Variants in ST6GALNAC2 observed in about 807,000 individuals in gnomAD.
ST6GALNAC2 encodes alpha-N-acetylgalactosaminide alpha-2,6-sialyltransferase 2.
ST6GALNAC2 carries 42 observed loss-of-function variants against 38.7 expected under a neutral mutation model. The ratio of observed to expected loss-of-function variants is 1.09; its 90% CI spans 0.85 to 1.40. ST6GALNAC2 has a LOEUF of 1.40. ST6GALNAC2 is among the 40% of genes most tolerant of loss of function. The pLI, the probability that ST6GALNAC2 is intolerant of heterozygous loss-of-function variation, is 0.00. For missense variants in ST6GALNAC2, 506 were observed against 481.7 expected (o/e 1.05, Z -0.47); for synonymous variants, 233 against 209.0 (o/e 1.11, Z -0.99).
intron 1 of ST6GALNAC2, among the ~76,000 whole-genome samples, chr17:76,582,659 C>T (rs1315949137): frequency 6.6e-6 from 1 of 152,208 alleles, no homozygotes; most frequent in East Asian, 1.9e-4. Flanking sequence ...AGACTGGGCT[C>T]CACTCTAATC....
chr17:76,584,054 G>C (rs942600362), intron 1 of ST6GALNAC2, among the ~76,000 whole-genome samples: 4 of 149,930 alleles, frequency 2.7e-5, no homozygotes, highest in Admixed American at 1.3e-4. Flanking sequence ...TCCTGACCTC[G>C]TGATCCGCCT....
In ST6GALNAC2 at chr17:76,575,650, G is replaced by A. The variant is rs150382247; in HGVS notation, c.187-1111C>T. ...AATTTCTGTGGATCGAAGCCCCCCA[G>A]GCTGTGATCATTTGTTCCAGCAGCC... On this transcript the variant is annotated intron_variant, in intron 2 of 8. Transcript: ENST00000225276. Among the ~76,000 whole-genome samples the A allele has an allele frequency of 1.1e-3, 171 of 152,278 alleles. 1 individual carries two copies. The highest frequency in any genetic ancestry group is 3.8e-3 in the African/African-American group (157 of 41,554).
rs763902940 is a variant in ST6GALNAC2 at position 76,570,632 on chromosome 17, C to T, written c.706G>A (p.Asp236Asn). Residue 236 changes from aspartate to asparagine, a missense_variant, in exon 6 of 9, where the codon GAC (aspartate) becomes AAC (asparagine). Transcript: ENST00000225276. ...QYIFIPSDIR[D>N]YVMLRSAILG... The stretch of plus-strand genomic sequence containing the variant: ...ATGGCCGATCTCAGCATCACATAGT[C>T]GCGGATGTCTGAGGGGATGAAGATA... 9.3e-6 allele frequency: 15 copies of T among 1,613,076 alleles called. No homozygotes were observed. Among genetic ancestry groups the T allele is most frequent in the Admixed American group, 1.7e-5 (1 of 59,930 alleles).
chr17:76,572,535 C>T, intron 5 of ST6GALNAC2, 102 bp downstream of exon 5: 1 of 1,385,174 alleles, frequency 7.2e-7, no homozygotes, highest in Non-Finnish European at 1.0e-6. Flanking sequence ...CCCTCAGCAT[C>T]CACTGGACCA....
chr17:76,575,010 G>A (rs1038528146), intron 2 of ST6GALNAC2, among the ~76,000 whole-genome samples: 3 of 152,016 alleles, frequency 2.0e-5, no homozygotes, highest in African/African-American at 7.2e-5. Flanking sequence ...TGGCAGCTAG[G>A]GGGTCTGGGA....
intron 8 of ST6GALNAC2, among the ~76,000 whole-genome samples, chr17:76,566,765 G>A (rs1469505950): frequency 6.6e-6 from 1 of 151,888 alleles, no homozygotes; most frequent in African/African-American, 2.4e-5. Context: ...CAGCTACTTG[G>A]GAAGCTGAGG....
chr17:76,567,184 G>T (rs1301260729), intron 8 of ST6GALNAC2, among the ~76,000 whole-genome samples: 1 of 152,188 alleles, frequency 6.6e-6, no homozygotes, highest in African/African-American at 2.4e-5. Flanking sequence ...AAGAGTGAAA[G>T]AAGGAAGCCT....
intron 7 of ST6GALNAC2, chr17:76,568,465 A>G: frequency 1.8e-6 from 1 of 565,058 alleles, no homozygotes; most frequent in Non-Finnish European, 3.2e-6. Context: ...CCTTTGTATA[A>G]ACCTCCTTGA....
intron 1 of ST6GALNAC2, among the ~76,000 whole-genome samples, chr17:76,580,431 C>T (rs1473295233): frequency 6.7e-6 from 1 of 149,214 alleles, no homozygotes; most frequent in Non-Finnish European, 1.5e-5. Flanking sequence ...TGCGGTGGCT[C>T]ACGTCTGTAA....
chr17:76,572,594 G>A lies in ST6GALNAC2; in HGVS notation c.669+43C>T, dbSNP rs761840752. The A allele has an allele frequency of 5.6e-6, 9 of 1,611,026 alleles. No homozygotes were observed. The South Asian group carries it at 9.9e-5, about 18-fold the overall frequency. On this transcript the variant is annotated intron_variant, in intron 5 of 8. Transcript: ENST00000225276. ...CACTGAGGGGACTCCAGGAACAATG[G>A]TGCCATTGTCAACCACAATGGCATG...
intron 6 of ST6GALNAC2, chr17:76,569,360 A>T (rs1414211471): frequency 1.2e-5 from 4 of 342,618 alleles, no homozygotes; most frequent in Non-Finnish European, 2.0e-5. Context: ...CGAGAGAGGG[A>T]TTTGAAACCA....
rs553383927 is a variant in ST6GALNAC2, at chr17:76,582,374, G to A, written c.125+3310C>T. On this transcript the variant is annotated intron_variant, in intron 1 of 8. Transcript: ENST00000225276. The stretch of plus-strand genomic sequence containing the variant: ...TTTTGGTATTTTTAGTAGAAACGGG[G>A]TTTTGCCATGTTTCAAACTCCTGGG... 4.3e-3 allele frequency among the ~76,000 whole-genome samples: 592 copies of A among 136,294 alleles called. 4 individuals are homozygous for A. Among genetic ancestry groups the A allele is most frequent in the Non-Finnish European group, 6.6e-3 (421 of 63,952 alleles). The allele number at this position is 136,294 out of a possible 152,430, so 89.4% of individuals were successfully genotyped here.
In ST6GALNAC2 at chr17:76,578,818, T is replaced by A. The variant is rs1555629487; in HGVS notation, c.126-2A>T. 1 of 1,613,140 alleles carries A rather than the reference T, an allele frequency of 6.2e-7. No homozygotes were observed. Among genetic ancestry groups the A allele is most frequent in the Non-Finnish European group, 8.5e-7 (1 of 1,179,602 alleles). Reference sequence around the variant, plus strand: ...AATGCTTCAAATGATGTGGTGTCCCTGGGGGAAAAAGCAGAAAAAAGCAGG... The same window carrying A: ...AATGCTTCAAATGATGTGGTGTCCCAGGGGGAAAAAGCAGAAAAAAGCAGG... On this transcript the variant is annotated splice_acceptor_variant, in intron 1 of 8. Transcript: ENST00000225276. LOFTEE classifies it high-confidence loss of function.
Position 76,574,496 on chromosome 17 carries a change from T to C in ST6GALNAC2, c.230A>G (p.His77Arg). ...RHLLHLAIQR[H>R]PHFRGLFNLS... ...ATTGAACAGGCCACGGAAGTGGGGGTGCCGCTGAATGGCCAGGTGAAGCAG... is the reference window on the plus strand; with the variant it reads ...ATTGAACAGGCCACGGAAGTGGGGGCGCCGCTGAATGGCCAGGTGAAGCAG... Residue 77 changes from histidine (H) to arginine (R), a missense_variant, in exon 3 of 9, where the codon CAC (histidine) becomes CGC (arginine). By Grantham distance (29) the His-to-Arg change is conservative. Coordinates refer to ENST00000225276, the MANE Select transcript of ST6GALNAC2 (RefSeq NM_006456.3). 1.3e-6 allele frequency: 2 copies of C among 1,525,062 alleles called. No homozygotes were observed. The highest frequency in any genetic ancestry group is 1.4e-5 in the African/African-American group (1 of 71,084). The allele number at this position is 1,525,062 out of a possible 1,614,324, so 94.5% of individuals were successfully genotyped here.
At position 76,584,264 on chromosome 17, in the gene ST6GALNAC2, C is replaced by T. The variant is rs560646522; in HGVS notation, c.125+1420G>A. ...CTGGAGTGCAGTGGCGCGATCACAG[C>T]TCACTGCAGCCTCGACCTCCCAGAC... is the stretch of plus-strand genomic sequence containing the variant. On this transcript the variant is annotated intron_variant, in intron 1 of 8. Transcript: ENST00000225276. Among the ~76,000 whole-genome samples, 136 of 150,214 alleles carry T rather than the reference C, an allele frequency of 9.1e-4. 1 individual carries two copies. The highest frequency in any genetic ancestry group is 3.2e-3 in the African/African-American group (129 of 40,656).
intron 1 of ST6GALNAC2, among the ~76,000 whole-genome samples, chr17:76,580,017 ACTT>A (rs1215527494): frequency 4.6e-5 from 7 of 152,334 alleles, no homozygotes; most frequent in South Asian, 2.1e-4. Flanking sequence ...CAGTTGCTGA[ACTT>A]CTCAGAACCT....
chr17:76,568,472 TTGAGTTATCC>T (rs1026882490), intron 7 of ST6GALNAC2: 5 of 577,376 alleles, frequency 8.7e-6, no homozygotes, highest in African/African-American at 5.6e-5. Flanking sequence ...ATAAACCTCC[TTGAGTTATCC>T]TGAGTTTCCT....
At position 76,582,164 on chromosome 17, in the gene ST6GALNAC2, CT is replaced by C. The variant is rs71158025; in HGVS notation, c.126-3349del. ...ACAAGCGTGAGCCACCGTGCCCAGC[CT>C]TTTTTTTTTTTTTTTTTTTTTTTTG... On this transcript the variant is annotated intron_variant, in intron 1 of 8. Coordinates refer to ENST00000225276, the MANE Select transcript of ST6GALNAC2 (RefSeq NM_006456.3). 9.0e-4 allele frequency among the ~76,000 whole-genome samples: 56 copies of C among 62,042 alleles called. 1 individual carries two copies. The highest frequency in any genetic ancestry group is 0.015 in the Middle Eastern group (1 of 66). 40.7% of individuals were successfully genotyped at this position (62,042 alleles called of 152,430 possible).
At position 76,574,443 on chromosome 17, in the gene ST6GALNAC2, C is replaced by G. The variant is rs1228356533; in HGVS notation, c.283G>C (p.Asp95His). The change falls in exon 3 of 9, where the codon GAC becomes CAC. Residue 95 changes from aspartate to histidine, a missense_variant. Asp to His is a moderately conservative substitution (Grantham distance 81). Coordinates refer to ENST00000225276, the MANE Select transcript of ST6GALNAC2 (RefSeq NM_006456.3). ...TCCCAGAGCGCTGGGGTGAAGAGGT[C>G]CCCCCACAGCAGCACTGGAATGGAG... ...NLSIPVLLWG[D>H]LFTPALWDRL... 3 of 1,613,690 alleles carry G rather than the reference C, an allele frequency of 1.9e-6. No homozygotes were observed. Among genetic ancestry groups the G allele is most frequent in the African/African-American group, 2.7e-5 (2 of 74,890 alleles).
Sources: allele counts gnomAD v4.1 joint callset (sites outside exome capture counted in the v4.1 genomes callset), GRCh38; gene constraint gnomAD v4.1.1; transcripts MANE v1.5; gene names NCBI Gene and HGNC (gene_info 2026-07-23, HGNC 2026-07-21).